The following THSD4 variants were observed in gnomAD, a reference collection of about 807,000 sequenced individuals.
The protein encoded by THSD4 is thrombospondin type-1 domain-containing protein 4.
THSD4 carries 69 observed loss-of-function variants against 119.0 expected under a neutral mutation model. The ratio of observed to expected loss-of-function variants is 0.58; its 90% CI spans 0.48 to 0.71. THSD4 has a LOEUF of 0.71. THSD4 is among the 30% of genes least tolerant of loss of function. The pLI is 0.00. For missense variants in THSD4, 1,393 were observed against 1,391.1 expected, an observed-to-expected ratio of 1.00 and a Z score of -0.02; for synonymous variants, 524 against 540.4, an observed-to-expected ratio of 0.97 and a Z score of 0.42.
rs566002151 is a variant in THSD4, at chr15:71,600,849, C to T, written c.1153-59681C>T. On this transcript the variant is annotated intron_variant, in intron 7 of 17. Transcript: ENST00000261862. ...GAAACCTCCACCTCCCGGGTTCAAA[C>T]GATTCACCTGCCTCAGCCTCCTGAG... Among the ~76,000 whole-genome samples, 11 of 151,730 alleles carry T rather than the reference C, an allele frequency of 7.2e-5. No homozygotes were observed. The South Asian group carries it at 1.7e-3, about 23-fold the overall frequency.
chr15:71,582,990 T>C (rs1244301691), intron 7 of THSD4, among the ~76,000 whole-genome samples: 6 of 152,168 alleles, frequency 3.9e-5, no homozygotes, highest in Non-Finnish European at 8.8e-5. Flanking sequence ...TTGAAGGGTC[T>C]GGGAAACTTT....
At chr15:71,107,538 G>C (rs1444279845) in intron 1 of THSD4, among the ~76,000 whole-genome samples, 1 of 152,226 alleles carries the variant, frequency 6.6e-6, no homozygotes, top group East Asian at 1.9e-4. Flanking sequence ...TTGCATGTCA[G>C]GGTGATTTGG....
chr15:71,290,826 T>G (rs890077922), intron 6 of THSD4, among the ~76,000 whole-genome samples: 1 of 151,876 alleles, frequency 6.6e-6, no homozygotes, highest in African/African-American at 2.4e-5. Flanking sequence ...ATTTTTAACA[T>G]GTATAGTCAC....
intron 7 of THSD4, among the ~76,000 whole-genome samples, chr15:71,461,079 C>T (rs1450036776): frequency 6.6e-6 from 1 of 152,220 alleles, no homozygotes; most frequent in Non-Finnish European, 1.5e-5. Context: ...TCAGGAGCAG[C>T]TTAACTGGGT....
chr15:71,700,823 T>A (rs2052272428), intron 8 of THSD4, among the ~76,000 whole-genome samples: 1 of 152,048 alleles, frequency 6.6e-6, no homozygotes, highest in African/African-American at 2.4e-5. Context: ...AGCATTAGGA[T>A]AATAATTATT....
intron 6 of THSD4, among the ~76,000 whole-genome samples, chr15:71,379,449 T>G (rs2046196642): frequency 7.7e-6 from 1 of 130,330 alleles, no homozygotes; most frequent in Non-Finnish European, 1.6e-5. Flanking sequence ...GCAAATGGCT[T>G]CTTTTTTTTT....
chr15:71,775,096 A>T (rs1367004207), intron 17 of THSD4, among the ~76,000 whole-genome samples: 6 of 152,142 alleles, frequency 3.9e-5, no homozygotes, highest in Middle Eastern at 3.4e-3. Flanking sequence ...CGGTGAGCCG[A>T]TATCATGCCA....
Position 71,771,055 on chromosome 15 carries a change from C to A in THSD4, c.2770-9C>A. 6.2e-7 allele frequency: 1 copy of A among 1,613,376 alleles called. No homozygotes were observed. Among genetic ancestry groups the A allele is most frequent in the South Asian group, 1.1e-5 (1 of 90,856 alleles). Reference sequence around the variant, plus strand: ...AAAAATCTGATGTTTTCCCTTTGTTCCCATGCAGTGTTCCAAGAGCTGCCA... The same window carrying A: ...AAAAATCTGATGTTTTCCCTTTGTTACCATGCAGTGTTCCAAGAGCTGCCA... On this transcript the variant is annotated splice_polypyrimidine_tract_variant and intron_variant, in intron 16 of 17. Coordinates refer to ENST00000261862, the MANE Select transcript of THSD4 (RefSeq NM_024817.3).
intron 6 of THSD4, among the ~76,000 whole-genome samples, chr15:71,333,506 T>C (rs1566944281): frequency 6.6e-6 from 1 of 152,182 alleles, no homozygotes; most frequent in African/African-American, 2.4e-5. Flanking sequence ...CCTTTGTTTT[T>C]TTTCTTGGCC....
Position 71,464,629 on chromosome 15 carries a change from T to C in THSD4, c.1152+52806T>C, listed in dbSNP as rs150919849. Among the ~76,000 whole-genome samples, 449 of 152,316 alleles carry C rather than the reference T, an allele frequency of 2.9e-3. 2 individuals carry two copies. The highest frequency in any genetic ancestry group is 5.6e-3 in the Non-Finnish European group (381 of 68,024). ...GGTACTTTTACCTGCAACACACTCA[T>C]TGTCCCTCAGTATCATCTTTCTCAC... is the stretch of plus-strand genomic sequence containing the variant. On this transcript the variant is annotated intron_variant, in intron 7 of 17. Transcript: ENST00000261862.
At chr15:71,625,567 T>C (rs1291771039) in intron 7 of THSD4, among the ~76,000 whole-genome samples, 2 of 152,228 alleles carry the variant, frequency 1.3e-5, no homozygotes, top group African/African-American at 4.8e-5. Context: ...CTAAGATTCT[T>C]AGGTCTTCTT....
chr15:71,634,090 G>A (rs2050689410), intron 7 of THSD4, among the ~76,000 whole-genome samples: 1 of 151,946 alleles, frequency 6.6e-6, no homozygotes, highest in African/African-American at 2.4e-5. Context: ...GGGACACTGA[G>A]GCAGGAGAAT....
At chr15:71,684,520 T>C (rs926328225) in intron 8 of THSD4, among the ~76,000 whole-genome samples, 5 of 150,384 alleles carry the variant, frequency 3.3e-5, no homozygotes, top group African/African-American at 4.9e-5. Context: ...TTGTAATCTT[T>C]TTTTTTTTTT....
intron 12 of THSD4, 98 bp from the exon 13 acceptor site, chr15:71,746,740 G>C: frequency 7.7e-7 from 1 of 1,306,222 alleles, no homozygotes; most frequent in Non-Finnish European, 1.1e-6. Flanking sequence ...TCTACCCATA[G>C]TGATTCTGAT....
chr15:71,525,704 GT>G (rs1383942801), intron 7 of THSD4, among the ~76,000 whole-genome samples: 1 of 152,242 alleles, frequency 6.6e-6, no homozygotes, highest in African/African-American at 2.4e-5. Flanking sequence ...GAAGAAGTCT[GT>G]GTCCTAAATC....
intron 1 of THSD4, among the ~76,000 whole-genome samples, chr15:71,139,639 C>G (rs970113292): frequency 3.8e-4 from 58 of 152,306 alleles, no homozygotes; most frequent in Non-Finnish European, 1.0e-4. Context: ...TAATAACCCG[C>G]AGAAAGGGCC....
intron 6 of THSD4, among the ~76,000 whole-genome samples, chr15:71,350,745 G>C (rs369990923): frequency 2.0e-5 from 3 of 152,086 alleles, no homozygotes; most frequent in South Asian, 2.1e-4. Context: ...TGAGGCCTTG[G>C]GGGAGGGCAC....
chr15:71,255,063 T>C (rs2044299567), intron 5 of THSD4, among the ~76,000 whole-genome samples: 1 of 152,180 alleles, frequency 6.6e-6, no homozygotes, highest in South Asian at 2.1e-4. Context: ...CTTCTTCTGG[T>C]CCCTCATCTT....
intron 7 of THSD4, among the ~76,000 whole-genome samples, chr15:71,492,699 C>G (rs868852397): frequency 6.6e-6 from 1 of 152,170 alleles, no homozygotes; most frequent in South Asian, 2.1e-4. Context: ...GTAAAGGAAG[C>G]CTCTTTCCCT....
Sources: gnomAD v4.1 joint callset for allele counts (sites outside exome capture counted in the v4.1 genomes callset) on GRCh38, gnomAD v4.1.1 for gene constraint, MANE v1.5 for transcripts, NCBI Gene and HGNC (gene_info 2026-07-23, HGNC 2026-07-21) for gene names.